The following CCDC25 variants were observed in gnomAD, a reference collection of about 807,000 sequenced individuals.
CCDC25 encodes the protein coiled-coil domain containing 25.
Under a neutral mutation model 35.3 loss-of-function variants are expected in CCDC25, and 16 were observed. That is an observed-to-expected ratio of 0.45 (90% confidence interval 0.31 to 0.69). The LOEUF (loss-of-function observed/expected upper bound fraction) is 0.69. Among genes scored for constraint, CCDC25 ranks in the 30% least tolerant of loss-of-function variants. The pLI is 0.06. For missense variants in CCDC25, 179 were observed against 250.7 expected (o/e 0.71, Z 1.93); for synonymous variants, 79 against 80.3 (o/e 0.98, Z 0.09).
chr8:27,746,581 G>T (rs570384282), intron 7 of CCDC25, among the ~76,000 whole-genome samples: 22 of 152,038 alleles, frequency 1.4e-4, no homozygotes, highest in Non-Finnish European at 3.2e-4. Flanking sequence ...AAACAAAAAA[G>T]AATTAACTGC....
chr8:27,765,535 C>T (rs560566808), intron 1 of CCDC25, among the ~76,000 whole-genome samples: 1 of 152,184 alleles, frequency 6.6e-6, no homozygotes, highest in South Asian at 2.1e-4. Flanking sequence ...AGAAAGTTTA[C>T]CATCCTTACT....
intron 1 of CCDC25, among the ~76,000 whole-genome samples, chr8:27,771,114 T>C (rs944902982): frequency 3.3e-5 from 5 of 152,180 alleles, no homozygotes; most frequent in Non-Finnish European, 7.3e-5. Flanking sequence ...CTGGTAGCCA[T>C]CATAACAGCG....
chr8:27,760,670 C>A (rs1035511945), intron 3 of CCDC25, among the ~76,000 whole-genome samples: 2 of 152,162 alleles, frequency 1.3e-5, no homozygotes, highest in African/African-American at 4.8e-5. Context: ...CTGTCTCAGG[C>A]CCTAGGAAGG....
intron 7 of CCDC25, among the ~76,000 whole-genome samples, chr8:27,743,124 T>G (rs77437620): frequency 6.6e-6 from 1 of 152,184 alleles, no homozygotes; most frequent in Non-Finnish European, 1.5e-5. Context: ...GGAGTCATTC[T>G]TAGCCCCCTT....
intron 5 of CCDC25, among the ~76,000 whole-genome samples, chr8:27,752,014 C>A (rs767675535): frequency 6.6e-6 from 1 of 152,014 alleles, no homozygotes; most frequent in Non-Finnish European, 1.5e-5. Flanking sequence ...ACTGACTTGA[C>A]AACTTCGCAA....
At chr8:27,750,662 G>A (rs17477565) in intron 5 of CCDC25, among the ~76,000 whole-genome samples, 44,887 of 152,062 alleles carry the variant, frequency 0.3, 7,928 homozygotes, top group Middle Eastern at 0.4. Context: ...AGTCAAATGA[G>A]AGACGCTTAA....
At chr8:27,750,751 T>C (rs910634786) in intron 5 of CCDC25, among the ~76,000 whole-genome samples, 1 of 152,200 alleles carries the variant, frequency 6.6e-6, no homozygotes, top group Admixed American at 6.5e-5. Flanking sequence ...AAAAGTTTAA[T>C]CTGGAAAGAT....
At chr8:27,743,433 C>A (rs991845105) in intron 7 of CCDC25, among the ~76,000 whole-genome samples, 11 of 152,228 alleles carry the variant, frequency 7.2e-5, no homozygotes, top group African/African-American at 2.7e-4. Context: ...TGGACTGGCC[C>A]CTTGATCCAA....
In CCDC25 at chr8:27,734,184, C is replaced by T. The variant is rs989237878; in HGVS notation, c.*2032G>A. On this transcript the variant is annotated 3_prime_UTR_variant, in exon 9 of 9. Coordinates refer to ENST00000356537, the MANE Select transcript of CCDC25 (RefSeq NM_018246.3). ...TAGCCCAACCACGGTGACAAAGCTC[C>T]CTTGCCCAAAGATCGTGAGCCTAGA... 3.9e-5 allele frequency: 6 copies of T among 152,182 alleles called. No individual in the cohort carries two copies. The highest frequency in any genetic ancestry group is 1.4e-4 in the African/African-American group (6 of 41,440). The allele number at this position is 152,182 out of a possible 1,614,324, so 9.4% of individuals were successfully genotyped here.
intron 7 of CCDC25, among the ~76,000 whole-genome samples, chr8:27,746,888 C>T (rs138451743): frequency 6.6e-6 from 1 of 152,328 alleles, no homozygotes; most frequent in Non-Finnish European, 1.5e-5. Flanking sequence ...TCTGACCCAA[C>T]AATCTTTCTA....
At position 27,757,799 on chromosome 8, in the gene CCDC25, G is replaced by A. The variant is rs150384082; in HGVS notation, c.117-1029C>T. ...CTCATGTCGAATTGTAATCCCCAGC[G>A]TTAGAAGTGGGGCCTGGTGGGAGGT... On this transcript the variant is annotated intron_variant, in intron 3 of 8. Coordinates refer to ENST00000356537, the MANE Select transcript of CCDC25 (RefSeq NM_018246.3). 2.8e-3 allele frequency among the ~76,000 whole-genome samples: 427 copies of A among 152,216 alleles called. 8 individuals carry two copies. The highest frequency in any genetic ancestry group is 9.8e-3 in the African/African-American group (407 of 41,536).
chr8:27,770,737 C>A (rs1185429830), intron 1 of CCDC25, among the ~76,000 whole-genome samples: 1 of 29,766 alleles, frequency 3.4e-5, no homozygotes, highest in Non-Finnish European at 7.9e-5. Flanking sequence ...AAAACTCCGT[C>A]TCCAAAAAAA....
Position 27,737,884 on chromosome 8 carries a change from TCACACACACA to T in CCDC25, c.598-1649_598-1640del, listed in dbSNP as rs141212043. ...AACTGTGGTGTGTGTATACACACAC[TCACACACACA>T]CACACACACACACACACACAAAGGA... On this transcript the variant is annotated intron_variant, in intron 8 of 8. Coordinates refer to ENST00000356537, the MANE Select transcript of CCDC25 (RefSeq NM_018246.3). The surrounding 1 kb of genome is among the most constrained non-coding windows in gnomAD (Gnocchi z 4.6). Among the ~76,000 whole-genome samples the T allele has an allele frequency of 6.7e-6, 1 of 148,446 alleles. No individual in the cohort carries two copies. Among genetic ancestry groups the T allele is most frequent in the African/African-American group, 2.5e-5 (1 of 40,190 alleles).
chr8:27,763,475 TG>T (rs1311372770), intron 2 of CCDC25, among the ~76,000 whole-genome samples: 1 of 152,198 alleles, frequency 6.6e-6, no homozygotes, highest in Non-Finnish European at 1.5e-5. Context: ...CCCAGCACTT[TG>T]GGAGGCTGAG....
chr8:27,755,311 C>A (rs547693607), intron 4 of CCDC25, among the ~76,000 whole-genome samples: 1 of 152,288 alleles, frequency 6.6e-6, no homozygotes, highest in Admixed American at 6.5e-5. Flanking sequence ...TGGGAGCACA[C>A]GGGAGCCCGC....
chr8:27,740,137 TAATA>T (rs75385295), intron 8 of CCDC25, among the ~76,000 whole-genome samples: 41,546 of 151,848 alleles, frequency 0.27, 6,548 homozygotes, highest in Middle Eastern at 0.4. Context: ...TAAAGAACAC[TAATA>T]AATAAAGGCA....
intron 3 of CCDC25, 129 bp downstream of exon 3, chr8:27,762,290 G>T: frequency 1.3e-6 from 1 of 742,748 alleles, no homozygotes. Context: ...TGAAGGAACT[G>T]GCAGTCAGCT....
intron 7 of CCDC25, chr8:27,747,634 ATTACT>A (rs1428280999): frequency 2.9e-5 from 5 of 171,192 alleles, no homozygotes; most frequent in African/African-American, 9.6e-5. Flanking sequence ...ACCTCACTAC[ATTACT>A]TTAAACTTTC....
rs544114915 is a variant in CCDC25 at position 27,769,391 on chromosome 8, CAG to C, written c.28+3120_28+3121del. On this transcript the variant is annotated intron_variant, in intron 1 of 8. Coordinates refer to ENST00000356537, the MANE Select transcript of CCDC25 (RefSeq NM_018246.3). ...ATGTGTGACTAACACTTAAAGAATT[CAG>C]AGTAACTTTAAGGGGAATAGAACAG... 7.0e-3 allele frequency among the ~76,000 whole-genome samples: 1,073 copies of C among 152,258 alleles called. 7 individuals carry two copies. Among genetic ancestry groups the C allele is most frequent in the African/African-American group, 0.024 (1,013 of 41,558 alleles).
Sources: allele counts gnomAD v4.1 joint callset (sites outside exome capture counted in the v4.1 genomes callset), GRCh38; gene constraint gnomAD v4.1.1; non-coding constraint Gnocchi (gnomAD v3.1); transcripts MANE v1.5; gene names NCBI Gene and HGNC (gene_info 2026-07-23, HGNC 2026-07-21).